KIAA1217: variants seen among roughly 807,000 people sequenced by gnomAD.
KIAA1217 encodes the protein sickle tail protein homolog.
KIAA1217 carries 88 observed loss-of-function variants against 163.9 expected under a neutral mutation model. The ratio of observed to expected loss-of-function variants is 0.54; its 90% CI spans 0.45 to 0.64. The LOEUF (loss-of-function observed/expected upper bound fraction) is 0.64. KIAA1217 is among the 30% of genes least tolerant of loss of function. KIAA1217 has a pLI of 0.00. For synonymous variants in KIAA1217, 903 were observed against 923.1 expected, an observed-to-expected ratio of 0.98 and a Z score of 0.39; for missense variants, 2,372 against 2,475.0, an observed-to-expected ratio of 0.96 and a Z score of 0.88.
chr10:24,345,945 A>G (rs1444639495), intron 2 of KIAA1217, among the ~76,000 whole-genome samples: 4 of 152,156 alleles, frequency 2.6e-5, no homozygotes, highest in African/African-American at 9.7e-5. Flanking sequence ...AACTCTATCC[A>G]TTCAACAACA....
intron 2 of KIAA1217, among the ~76,000 whole-genome samples, chr10:24,303,108 G>A (rs1307112294): frequency 1.3e-5 from 2 of 152,058 alleles, no homozygotes; most frequent in African/African-American, 4.8e-5. Context: ...CAAACTCCTG[G>A]GCTCCAGCGA....
At chr10:24,174,232 C>G (rs1405045665) in intron 2 of KIAA1217, among the ~76,000 whole-genome samples, 1 of 152,188 alleles carries the variant, frequency 6.6e-6, no homozygotes, top group Non-Finnish European at 1.5e-5. Flanking sequence ...GACTCAGAGA[C>G]CACAAATGCA....
chr10:24,224,681 A>G (rs1478812640), intron 2 of KIAA1217, among the ~76,000 whole-genome samples: 1 of 152,122 alleles, frequency 6.6e-6, no homozygotes, highest in Non-Finnish European at 1.5e-5. Context: ...TAGTATCTAC[A>G]TCATGGAGCA....
chr10:24,482,839 G>A (rs1252176022), intron 6 of KIAA1217: 1 of 152,204 alleles, frequency 6.6e-6, no homozygotes, highest in African/African-American at 2.4e-5. Flanking sequence ...GGGCAACAGA[G>A]TGAGATCCCA....
At chr10:24,458,407 C>T (rs1463163639) in intron 5 of KIAA1217, among the ~76,000 whole-genome samples, 2 of 152,140 alleles carry the variant, frequency 1.3e-5, no homozygotes, top group African/African-American at 2.4e-5. Context: ...ATGGCTTGGT[C>T]TATTTGACCC....
chr10:24,394,299 T>A (rs1190733327), intron 3 of KIAA1217, among the ~76,000 whole-genome samples: 4 of 152,216 alleles, frequency 2.6e-5, no homozygotes, highest in Non-Finnish European at 5.9e-5. Flanking sequence ...TCCCACCAAC[T>A]TTTCATTTGC....
chr10:24,484,241 A>ATATATATATTTTTTTTTTTT (rs1376083298), intron 6 of KIAA1217, among the ~76,000 whole-genome samples: 1 of 75,156 alleles, frequency 1.3e-5, no homozygotes, highest in African/African-American at 4.9e-5. Flanking sequence ...ATATATATAT[A>ATATATATATTTTTTTTTTTT]TTTTTTTTTT....
chr10:24,414,480 G>A (rs1175962339), intron 3 of KIAA1217, among the ~76,000 whole-genome samples: 2 of 152,142 alleles, frequency 1.3e-5, no homozygotes, highest in Non-Finnish European at 2.9e-5. Flanking sequence ...CAAAGCAGAT[G>A]GGAGGGGGTA....
chr10:24,174,999 G>T (rs1394276863), intron 2 of KIAA1217, among the ~76,000 whole-genome samples: 1 of 150,046 alleles, frequency 6.7e-6, no homozygotes, highest in Non-Finnish European at 1.5e-5. Context: ...ATGGATTACA[G>T]GTGTGCACCA....
At chr10:24,342,498 C>T (rs1208277393) in intron 2 of KIAA1217, among the ~76,000 whole-genome samples, 4 of 152,032 alleles carry the variant, frequency 2.6e-5, no homozygotes, top group Admixed American at 2.0e-4. Context: ...AGATCCTTTC[C>T]TCAAATGGCA....
intron 2 of KIAA1217, among the ~76,000 whole-genome samples, chr10:24,269,817 C>G (rs1418935152): frequency 6.6e-6 from 1 of 152,174 alleles, no homozygotes; most frequent in South Asian, 2.1e-4. Context: ...TTAGGAGTAG[C>G]AGAGTGTCAA....
intron 1 of KIAA1217, among the ~76,000 whole-genome samples, chr10:24,001,230 C>T (rs1487633884): frequency 6.6e-6 from 1 of 152,160 alleles, no homozygotes; most frequent in Non-Finnish European, 1.5e-5. Context: ...GTACTATTTT[C>T]CTGACCCCAT....
At chr10:24,423,209 C>T (rs2058890707) in intron 3 of KIAA1217, among the ~76,000 whole-genome samples, 1 of 151,804 alleles carries the variant, frequency 6.6e-6, no homozygotes, top group Non-Finnish European at 1.5e-5. Context: ...GAGCCACTGC[C>T]CCTGGCCTAG....
chr10:24,014,103 A>T (rs557288368), intron 2 of KIAA1217, among the ~76,000 whole-genome samples: 1 of 152,266 alleles, frequency 6.6e-6, no homozygotes, highest in Admixed American at 6.5e-5. Context: ...TTTAATGTAA[A>T]TTGAGCCTGT....
rs142587877 is a variant in KIAA1217 at position 24,463,115 on chromosome 10, A to G, written c.847-10113A>G. 3.5e-4 allele frequency among the ~76,000 whole-genome samples: 53 copies of G among 152,334 alleles called. 1 individual carries two copies. Among genetic ancestry groups the G allele is most frequent in the African/African-American group, 1.2e-3 (51 of 41,580 alleles). ...AAGGAGGTTGTCCTTGGCCTGGGGA[A>G]CATGGGAGTAGCCCAGCAGAAGATT... On this transcript the variant is annotated intron_variant, in intron 5 of 20. Transcript: ENST00000376454.
intron 9 of KIAA1217, among the ~76,000 whole-genome samples, chr10:24,502,930 G>T (rs1369966437): frequency 6.6e-6 from 1 of 152,162 alleles, no homozygotes; most frequent in Non-Finnish European, 1.5e-5. Context: ...GAGGTTGCAT[G>T]AGCCAGGATA....
intron 2 of KIAA1217, among the ~76,000 whole-genome samples, chr10:24,139,195 T>C (rs1482551630): frequency 6.6e-6 from 1 of 152,134 alleles, no homozygotes; most frequent in African/African-American, 2.4e-5. Context: ...AGATTTAATA[T>C]TTACTTCTAC....
intron 1 of KIAA1217, among the ~76,000 whole-genome samples, chr10:23,711,863 C>A (rs962173845): frequency 6.6e-6 from 1 of 152,118 alleles, no homozygotes; most frequent in Non-Finnish European, 1.5e-5. Context: ...GCTCACACAA[C>A]CCTTGAAGGA....
chr10:23,755,552 G>C (rs1833878346), intron 1 of KIAA1217, among the ~76,000 whole-genome samples: 1 of 152,136 alleles, frequency 6.6e-6, no homozygotes, highest in African/African-American at 2.4e-5. Context: ...TTTCTCCCTG[G>C]TGGCCTCGAG....
Sources: gnomAD v4.1 joint callset for allele counts (sites outside exome capture counted in the v4.1 genomes callset) on GRCh38, gnomAD v4.1.1 for gene constraint, MANE v1.5 for transcripts, NCBI Gene and HGNC (gene_info 2026-07-23, HGNC 2026-07-21) for gene names.